The following DBT variants were observed in gnomAD, a reference collection of about 807,000 sequenced individuals.
DBT encodes lipoamide acyltransferase component of branched-chain alpha-keto acid dehydrogenase complex, mitochondrial.
Under a neutral mutation model 51.3 loss-of-function variants are expected in DBT, and 40 were observed. The ratio of observed to expected loss-of-function variants is 0.78; its 90% CI spans 0.61 to 1.02. DBT has a LOEUF of 1.02. Among genes scored for constraint, DBT ranks in the 50% least tolerant of loss-of-function variants. The probability of loss-of-function intolerance (pLI) is 0.00; values close to 1 mark genes in which losing one functional copy is unlikely to be tolerated. For missense variants in DBT, 510 were observed against 580.2 expected (o/e 0.88, Z 1.24); for synonymous variants, 181 against 190.4 (o/e 0.95, Z 0.41).
rs1357216765 is a variant in DBT, at chr1:100,191,145, G to A, written c.*5110C>T. 6.6e-6 allele frequency: 1 copy of A among 152,172 alleles called. No individual in the cohort carries two copies. The highest frequency in any genetic ancestry group is 1.5e-5 in the Non-Finnish European group (1 of 68,046). 9.4% of individuals were successfully genotyped at this position (152,172 alleles called of 1,614,324 possible). A position where few individuals can be genotyped will look rare whatever the true frequency, so the allele number is the denominator to read the frequency against. On this transcript the variant is annotated 3_prime_UTR_variant, in exon 11 of 11. Transcript: ENST00000370132. ...GCCAGTATAAGAGTAGAGCATTAAA[G>A]CTAGTGAGTATATTAACACGCAAAC... is the stretch of plus-strand genomic sequence containing the variant.
chr1:100,232,732 T>C (rs78826170), intron 3 of DBT, among the ~76,000 whole-genome samples: 6,125 of 152,190 alleles, frequency 0.04, 140 homozygotes, highest in South Asian at 0.055. Flanking sequence ...GCCTCCCAAG[T>C]AGCTGACACT....
At chr1:100,205,037 T>C (rs1557943324) in intron 10 of DBT, among the ~76,000 whole-genome samples, 2 of 152,212 alleles carry the variant, frequency 1.3e-5, no homozygotes, top group African/African-American at 4.8e-5. Context: ...ATTTAGGACA[T>C]AGGCATAGGC....
rs139169068 is a variant in DBT at position 100,192,131 on chromosome 1, G to T, written c.*4124C>A. On this transcript the variant is annotated 3_prime_UTR_variant, in exon 11 of 11. Transcript: ENST00000370132. ...GTGATTTTGACTGGAAATGATGTGG[G>T]TTCACACACATGATCCAATCTCAAG... 484 of 152,240 alleles carry T rather than the reference G, an allele frequency of 3.2e-3. 1 individual carries two copies. The highest frequency in any genetic ancestry group is 5.2e-3 in the Non-Finnish European group (357 of 68,072). 9.4% of individuals were successfully genotyped at this position (152,240 alleles called of 1,614,324 possible).
chr1:100,199,826 C>T (rs931989214), intron 10 of DBT, among the ~76,000 whole-genome samples: 1 of 152,122 alleles, frequency 6.6e-6, no homozygotes, highest in Non-Finnish European at 1.5e-5. Flanking sequence ...CCAAGGGAAG[C>T]CATGAGGGAC....
intron 10 of DBT, among the ~76,000 whole-genome samples, chr1:100,200,254 G>T (rs1661358657): frequency 6.6e-6 from 1 of 152,168 alleles, no homozygotes; most frequent in Non-Finnish European, 1.5e-5. Flanking sequence ...GGCTTGAGTA[G>T]GCGGTCTTCC....
In DBT at chr1:100,208,140, C is replaced by A. The variant is rs374759719; in HGVS notation, c.1018-1504G>T. Among the ~76,000 whole-genome samples the A allele has an allele frequency of 9.3e-3, 1,405 of 150,904 alleles. 23 individuals carry two copies. The highest frequency in any genetic ancestry group is 0.033 in the African/African-American group (1,353 of 41,174). On this transcript the variant is annotated intron_variant, in intron 8 of 10. Coordinates refer to ENST00000370132, the MANE Select transcript of DBT (RefSeq NM_001918.5). ...ACAGAGCAAGACTCTGTCTCCAAAACAAAAACAAAAAAAAACAAATCCAAC... is the reference window on the plus strand; with the variant it reads ...ACAGAGCAAGACTCTGTCTCCAAAAAAAAAACAAAAAAAAACAAATCCAAC...
intron 1 of DBT, among the ~76,000 whole-genome samples, chr1:100,245,862 G>A (rs115312539): frequency 0.037 from 5,616 of 152,190 alleles, 112 homozygotes; most frequent in Non-Finnish European, 0.048. Flanking sequence ...TGAGGAAGGA[G>A]GACCACTTGA....
At chr1:100,232,293 GT>G (rs1663593424) in intron 3 of DBT, among the ~76,000 whole-genome samples, 2 of 8,136 alleles carry the variant, frequency 2.5e-4, no homozygotes, top group Non-Finnish European at 7.5e-4. Flanking sequence ...GAGCATCTGG[GT>G]TGTTGTTGTT....
intron 3 of DBT, among the ~76,000 whole-genome samples, chr1:100,233,055 ATAATT>A (rs1234848143): frequency 6.6e-6 from 1 of 152,208 alleles, no homozygotes; most frequent in African/African-American, 2.4e-5. Flanking sequence ...GCTAAGAAAT[ATAATT>A]TAAATTCAAC....
In DBT at chr1:100,196,145, A is replaced by T; in HGVS notation, c.*110T>A. 2 of 983,226 alleles carry T rather than the reference A, an allele frequency of 2.0e-6. No homozygotes were observed. The highest frequency in any genetic ancestry group is 3.2e-6 in the Non-Finnish European group (2 of 622,952). The allele number at this position is 983,226 out of a possible 1,614,324, so 60.9% of individuals were successfully genotyped here. ...TATTGTGCCTTAGATCCTTAATCAT[A>T]CGATACAAATCATTTACAATATAAA... On this transcript the variant is annotated 3_prime_UTR_variant, in exon 11 of 11. Coordinates refer to ENST00000370132, the MANE Select transcript of DBT (RefSeq NM_001918.5).
In DBT at chr1:100,203,053, CA is replaced by C. The variant is rs1161935519; in HGVS notation, c.1281+3176del. Among the ~76,000 whole-genome samples, 7 of 152,104 alleles carry C rather than the reference CA, an allele frequency of 4.6e-5. No homozygotes were observed. In the East Asian group the frequency reaches 1.4e-3, roughly 29 times the overall value. ...GTTAAAAGAACTAGAGAAGCAAGAG[CA>C]AACACGTTCAAAAGCTAGCAGAAGA... On this transcript the variant is annotated intron_variant, in intron 10 of 10. Coordinates refer to ENST00000370132, the MANE Select transcript of DBT (RefSeq NM_001918.5).
At chr1:100,215,035 TC>T in intron 6 of DBT, 52 bp from the exon 7 acceptor site, 1 of 1,115,926 alleles carries the variant, frequency 9.0e-7, no homozygotes, top group African/African-American at 1.9e-5. Flanking sequence ...AATCTCTTCA[TC>T]CTTTTTTTTT....
In DBT at chr1:100,240,724, C is replaced by T. The variant is rs76902654; in HGVS notation, c.175+37G>A. 2,150 of 1,532,784 alleles carry T rather than the reference C, an allele frequency of 1.4e-3. 19 individuals are homozygous for T. The East Asian group carries it at 0.018, about 13-fold the overall frequency. The allele number at this position is 1,532,784 out of a possible 1,614,324, so 94.9% of individuals were successfully genotyped here. ...AAATATTACTGAATGAGGTACAAAA[C>T]ATTATTTTATACACGTTATTTTGAA... On this transcript the variant is annotated intron_variant, in intron 2 of 10. Transcript: ENST00000370132.
rs190701617 is a variant in DBT at position 100,213,363 on chromosome 1, C to T, written c.939+1454G>A. 9.7e-5 allele frequency: 150 copies of T among 1,539,098 alleles called. No individual in the cohort carries two copies. The East Asian group carries it at 3.6e-3, about 37-fold the overall frequency. ...CTGGAGGCCGGCCAGGGCGACTACGCGTGAGGCCCGCACGGCTACGGCGCC... is the reference window on the plus strand; with the variant it reads ...CTGGAGGCCGGCCAGGGCGACTACGTGTGAGGCCCGCACGGCTACGGCGCC... On this transcript the variant is annotated intron_variant, in intron 7 of 10. Coordinates refer to ENST00000370132, the MANE Select transcript of DBT (RefSeq NM_001918.5).
chr1:100,240,833 T>A lies in DBT; in HGVS notation c.103A>T (p.Asn35Tyr). 1 of 1,611,774 alleles carries A rather than the reference T, an allele frequency of 6.2e-7. No individual in the cohort carries two copies. The highest frequency in any genetic ancestry group is 1.1e-5 in the South Asian group (1 of 91,038). ...GGATAACCAAAGAAACACACATAAT[T>A]TGGCTTCAAAACATGAACATTACCA... is the stretch of plus-strand genomic sequence containing the variant. ...TCGNVHVLKP[N>Y]YVCFFGYPSF... The change falls in exon 2 of 11, where the codon AAT (asparagine) becomes TAT (tyrosine). Residue 35 changes from asparagine (N) to tyrosine (Y), a missense_variant. Transcript: ENST00000370132.
At chr1:100,204,492 T>C (rs1373869153) in intron 10 of DBT, among the ~76,000 whole-genome samples, 2 of 152,126 alleles carry the variant, frequency 1.3e-5, no homozygotes. Context: ...TGCTCATGGA[T>C]AGGAAGAATC....
chr1:100,206,105 T>C (rs1472504738), intron 10 of DBT, 125 bp downstream of exon 10: 3 of 705,078 alleles, frequency 4.3e-6, no homozygotes, highest in African/African-American at 1.8e-5. Context: ...TAATAGACTT[T>C]CTAAGATAAA....
chr1:100,241,522 A>T (rs1313691620), intron 1 of DBT, among the ~76,000 whole-genome samples: 2 of 151,714 alleles, frequency 1.3e-5, no homozygotes, highest in Non-Finnish European at 2.9e-5. Context: ...CAGCCTTCCA[A>T]GTATCTGGGA....
At chr1:100,242,434 G>A (rs1355048304) in intron 1 of DBT, among the ~76,000 whole-genome samples, 1 of 151,950 alleles carries the variant, frequency 6.6e-6, no homozygotes, top group African/African-American at 2.4e-5. Context: ...ACTGATTTCT[G>A]AAGGCAAAGA....
Sources: allele counts gnomAD v4.1 joint callset (sites outside exome capture counted in the v4.1 genomes callset), GRCh38; gene constraint gnomAD v4.1.1; transcripts MANE v1.5; gene names NCBI Gene and HGNC (gene_info 2026-07-23, HGNC 2026-07-21).